The following YAP1 variants were observed in gnomAD, a reference collection of about 807,000 sequenced individuals.
The protein encoded by YAP1 is transcriptional coactivator YAP1.
A neutral mutation model predicts 56.9 loss-of-function variants in YAP1; 5 were observed. The observed-to-expected ratio is 0.09, with a 90% CI of 0.05 to 0.18. The LOEUF is 0.18. Ranked by LOEUF, YAP1 falls within the 10% of genes least tolerant of loss-of-function variation. The pLI is 1.00. For synonymous variants in YAP1, 265 were observed against 248.1 expected, an observed-to-expected ratio of 1.07 and a Z score of -0.64; for missense variants, 539 against 651.8, an observed-to-expected ratio of 0.83 and a Z score of 1.88.
At chr11:102,204,617 A>G (rs2135589806) in intron 4 of YAP1, among the ~76,000 whole-genome samples, 1 of 152,306 alleles carries the variant, frequency 6.6e-6, no homozygotes, top group South Asian at 2.1e-4. Flanking sequence ...GCATTTACCA[A>G]GCAGCCAGTC....
chr11:102,112,751 C>G (rs1465131376), intron 1 of YAP1: 1 of 985,144 alleles, frequency 1.0e-6, no homozygotes, highest in East Asian at 1.1e-4. Context: ...CTTAGGTATG[C>G]TTTTTTCTCT....
intron 4 of YAP1, among the ~76,000 whole-genome samples, chr11:102,190,805 A>G (rs555569454): frequency 6.6e-6 from 1 of 152,008 alleles, no homozygotes; most frequent in South Asian, 2.1e-4. Context: ...GTGTGATGGC[A>G]CACGCCTATA....
chr11:102,136,045 A>G (rs145959488), intron 2 of YAP1, among the ~76,000 whole-genome samples: 132 of 152,316 alleles, frequency 8.7e-4, no homozygotes, highest in African/African-American at 2.9e-3. Flanking sequence ...GTGTACATAC[A>G]TAAGAACTTT....
intron 3 of YAP1, among the ~76,000 whole-genome samples, chr11:102,184,073 T>A: frequency 8.4e-6 from 1 of 118,776 alleles, no homozygotes. Flanking sequence ...CGAGACTCCG[T>A]CTCAAAAAAA....
rs7119796 is a variant in YAP1, at chr11:102,180,280, A to G, written c.689-5738A>G. Among the ~76,000 whole-genome samples, 847 of 152,094 alleles carry G rather than the reference A, an allele frequency of 5.6e-3. 7 individuals are homozygous for G. Among genetic ancestry groups the G allele is most frequent in the African/African-American group, 0.02 (811 of 41,504 alleles). On this transcript the variant is annotated intron_variant, in intron 3 of 8. Coordinates refer to ENST00000282441, the MANE Select transcript of YAP1 (RefSeq NM_001130145.3). Reference sequence around the variant, plus strand: ...TCCTCCCTCCTTGGCCTCCTAATCTATTTCTAATTAGTAGATCCTATACTG... The same window carrying G: ...TCCTCCCTCCTTGGCCTCCTAATCTGTTTCTAATTAGTAGATCCTATACTG...
intron 6 of YAP1, among the ~76,000 whole-genome samples, chr11:102,220,854 A>G (rs1346676776): frequency 6.6e-6 from 1 of 152,212 alleles, no homozygotes; most frequent in Non-Finnish European, 1.5e-5. Context: ...TTCGGTGTAA[A>G]GGCGATCCCG....
At chr11:102,152,708 A>G (rs1015590927) in intron 2 of YAP1, among the ~76,000 whole-genome samples, 1 of 152,244 alleles carries the variant, frequency 6.6e-6, no homozygotes, top group African/African-American at 2.4e-5. Context: ...AAGTGTTTCA[A>G]AAGATTCAGA....
rs144640387 is a variant in YAP1 at position 102,178,409 on chromosome 11, A to G, written c.689-7609A>G. Among the ~76,000 whole-genome samples, 863 of 152,276 alleles carry G rather than the reference A, an allele frequency of 5.7e-3. 5 individuals are homozygous for G. The highest frequency in any genetic ancestry group is 9.6e-3 in the Non-Finnish European group (650 of 68,024). On this transcript the variant is annotated intron_variant, in intron 3 of 8. Transcript: ENST00000282441. Reference sequence around the variant, plus strand: ...GGTGACAAGGGGAGGTTGGTCCTCTAACTCGTGGTGTAGTTAATCAGGATT... The same window carrying G: ...GGTGACAAGGGGAGGTTGGTCCTCTGACTCGTGGTGTAGTTAATCAGGATT...
At chr11:102,111,237 C>T (rs947619831) in intron 1 of YAP1, 68 bp downstream of exon 1, 1 of 1,578,254 alleles carries the variant, frequency 6.3e-7, no homozygotes, top group Non-Finnish European at 8.6e-7. Context: ...CGCTCGGGAG[C>T]CGCGGCCGCC....
intron 4 of YAP1, among the ~76,000 whole-genome samples, chr11:102,192,291 CTCACT>C (rs1948332118): frequency 6.6e-6 from 1 of 152,158 alleles, no homozygotes; most frequent in Non-Finnish European, 1.5e-5. Context: ...TATCAATTTA[CTCACT>C]TCTCTGGATG....
At chr11:102,221,948 A>T (rs76629653) in intron 6 of YAP1, among the ~76,000 whole-genome samples, 1 of 151,998 alleles carries the variant, frequency 6.6e-6, no homozygotes, top group Non-Finnish European at 1.5e-5. Flanking sequence ...GTTAATGTGT[A>T]ATTTTTTTTT....
chr11:102,111,258 A>C (rs977879585), intron 1 of YAP1, 89 bp downstream of exon 1: 12 of 1,498,838 alleles, frequency 8.0e-6, no homozygotes, highest in Non-Finnish European at 1.1e-5. Context: ...AGCTCTGGTC[A>C]GGGGAGGGGG....
intron 2 of YAP1, among the ~76,000 whole-genome samples, chr11:102,161,219 G>A (rs902201516): frequency 6.6e-5 from 10 of 151,246 alleles, no homozygotes; most frequent in African/African-American, 2.2e-4. Flanking sequence ...CCGCCACCAC[G>A]CCTGGCTAAT....
chr11:102,186,847 T>TGTGTGTG (rs1555013227), intron 4 of YAP1, among the ~76,000 whole-genome samples: 2 of 151,338 alleles, frequency 1.3e-5, no homozygotes, highest in South Asian at 2.1e-4. Context: ...TGTGTGTGTG[T>TGTGTGTG]TTTAAACTGT....
rs1239935268 is a variant in YAP1 at position 102,227,509 on chromosome 11, C to T, written c.1204C>T (p.Leu402=). Residue 402 remains leucine, a synonymous_variant, in exon 8 of 9, where the codon CTA becomes TTA. Coordinates refer to ENST00000282441, the MANE Select transcript of YAP1 (RefSeq NM_001130145.3). ...HSRDESTDSG[L]SMSSYSVPRT... is the part of the protein sequence containing the mutation. ...TCGAGATGAGAGTACAGACAGTGGA[C>T]TAAGCATGAGCAGCTACAGTGTCCC... The T allele has an allele frequency of 6.2e-7, 1 of 1,614,006 alleles. No homozygotes were observed. Among genetic ancestry groups the T allele is most frequent in the South Asian group, 1.1e-5 (1 of 90,998 alleles).
chr11:102,187,922 A>G (rs1397127972), intron 4 of YAP1, among the ~76,000 whole-genome samples: 1 of 152,230 alleles, frequency 6.6e-6, no homozygotes, highest in African/African-American at 2.4e-5. Flanking sequence ...CCGTGTGTGT[A>G]TTCCAGACAG....
chr11:102,219,166 C>G (rs1484848733), intron 6 of YAP1, among the ~76,000 whole-genome samples: 1 of 152,090 alleles, frequency 6.6e-6, no homozygotes, highest in African/African-American at 2.4e-5. Context: ...TGTCACAGAA[C>G]CCTAGGCATC....
chr11:102,168,237 A>T (rs1312364590), intron 3 of YAP1, among the ~76,000 whole-genome samples: 1 of 152,158 alleles, frequency 6.6e-6, no homozygotes, highest in Non-Finnish European at 1.5e-5. Context: ...TATATATTAA[A>T]TTTTTAAATA....
At chr11:102,173,237 A>G (rs1947024124) in intron 3 of YAP1, among the ~76,000 whole-genome samples, 1 of 152,142 alleles carries the variant, frequency 6.6e-6, no homozygotes, top group Non-Finnish European at 1.5e-5. Flanking sequence ...AACCTCTAAT[A>G]CCATATTGCT....
Sources: gnomAD v4.1 joint callset for allele counts (sites outside exome capture counted in the v4.1 genomes callset) on GRCh38, gnomAD v4.1.1 for gene constraint, MANE v1.5 for transcripts, NCBI Gene and HGNC (gene_info 2026-07-23, HGNC 2026-07-21) for gene names.